The following CYB5R4 variants were observed in gnomAD, a reference collection of about 807,000 sequenced individuals.
CYB5R4 encodes the protein N-terminal cytochrome b5 and cytochrome b5 oxidoreductase domain-containing protein.
In CYB5R4, 55 loss-of-function variants were observed where a neutral mutation model predicts 70.2. That is an observed-to-expected ratio of 0.78 (90% CI 0.63 to 0.98). The LOEUF (loss-of-function observed/expected upper bound fraction) is 0.98. Ranked by LOEUF, CYB5R4 falls within the 50% of genes least tolerant of loss-of-function variation. The probability of loss-of-function intolerance (pLI) is 0.00; values close to 1 mark genes in which losing one functional copy is unlikely to be tolerated. For missense variants in CYB5R4, 562 were observed against 612.6 expected, an observed-to-expected ratio of 0.92 and a Z score of 0.87; for synonymous variants, 197 against 199.5, an observed-to-expected ratio of 0.99 and a Z score of 0.11.
intron 4 of CYB5R4, among the ~76,000 whole-genome samples, chr6:83,910,785 G>A (rs1026157657): frequency 7.9e-5 from 12 of 152,164 alleles, no homozygotes; most frequent in African/African-American, 2.9e-4. Flanking sequence ...CCAACTTGGG[G>A]AGAAAATATG....
At chr6:83,914,391 C>CT (rs763148662) in intron 4 of CYB5R4, 25 bp from the exon 5 acceptor site, 58 of 1,523,392 alleles carry the variant, frequency 3.8e-5, no homozygotes, top group Middle Eastern at 3.6e-4. Flanking sequence ...TCTTATTTGA[C>CT]TTTTTTTTCT....
At chr6:83,945,190 G>A (rs549034907) in intron 14 of CYB5R4, among the ~76,000 whole-genome samples, 89 of 152,280 alleles carry the variant, frequency 5.8e-4, no homozygotes, top group African/African-American at 1.9e-3. Context: ...ACACTCCTCA[G>A]CAAATGCAAA....
chr6:83,965,458 A>T lies in CYB5R4; in HGVS notation c.*5580A>T, dbSNP rs1190174418. ...GCCCTGTAACCCCTTTGTTTTGGCC[A>T]ATTTCTCCCATTTGGAATGGCTGTA... On this transcript the variant is annotated 3_prime_UTR_variant, in exon 16 of 16. Coordinates refer to ENST00000369681, the MANE Select transcript of CYB5R4 (RefSeq NM_016230.4). 1 of 152,076 alleles carries T rather than the reference A, an allele frequency of 6.6e-6. No individual in the cohort carries two copies. The highest frequency in any genetic ancestry group is 1.5e-5 in the Non-Finnish European group (1 of 68,010). The allele number at this position is 152,076 out of a possible 1,614,324, so 9.4% of individuals were successfully genotyped here. A position where few individuals can be genotyped will look rare whatever the true frequency, so the allele number is the denominator to read the frequency against.
intron 10 of CYB5R4, among the ~76,000 whole-genome samples, chr6:83,934,267 G>A (rs978739716): frequency 4.6e-5 from 7 of 150,756 alleles, no homozygotes; most frequent in Non-Finnish European, 8.9e-5. Flanking sequence ...ACTTTAGAAT[G>A]TAAGTTTCTT....
chr6:83,959,152 A>T (rs1269744575), intron 15 of CYB5R4, among the ~76,000 whole-genome samples: 6 of 152,298 alleles, frequency 3.9e-5, no homozygotes, highest in South Asian at 2.1e-4. Context: ...ATTAATGAAT[A>T]AAGAATGATA....
At chr6:83,940,931 G>C (rs896241733) in intron 14 of CYB5R4, among the ~76,000 whole-genome samples, 1 of 152,002 alleles carries the variant, frequency 6.6e-6, no homozygotes, top group Non-Finnish European at 1.5e-5. Context: ...TGTTATACTG[G>C]GGCTGATAAA....
At chr6:83,941,054 T>A (rs1356103104) in intron 14 of CYB5R4, among the ~76,000 whole-genome samples, 1 of 152,190 alleles carries the variant, frequency 6.6e-6, no homozygotes, top group African/African-American at 2.4e-5. Context: ...TTTTTATGCA[T>A]TGCTTAGCAA....
At chr6:83,899,880 G>C (rs1408935589) in intron 3 of CYB5R4, among the ~76,000 whole-genome samples, 3 of 151,704 alleles carry the variant, frequency 2.0e-5, no homozygotes, top group Admixed American at 1.3e-4. Context: ...GTCTTGCTAG[G>C]GGTCTATCAA....
At chr6:83,859,934 A>C (rs989478646) in intron 1 of CYB5R4, 77 bp downstream of exon 1, 5 of 1,353,354 alleles carry the variant, frequency 3.7e-6, no homozygotes, top group Non-Finnish European at 4.0e-6. Context: ...TTCCGCCCCA[A>C]CTCCCAGCTC....
rs1461542505 is a variant in CYB5R4, at chr6:83,859,912, T to C, written c.75+55T>C. ...CTCGCTGCGTTTCGAGCTCTGGCAGTGTGTTCTCTTCTTCCGCCCCAACTC... is the reference window on the plus strand; with the variant it reads ...CTCGCTGCGTTTCGAGCTCTGGCAGCGTGTTCTCTTCTTCCGCCCCAACTC... On this transcript the variant is annotated intron_variant, in intron 1 of 15. Transcript: ENST00000369681. The C allele has an allele frequency of 2.0e-6, 3 of 1,509,768 alleles. No homozygotes were observed. The Admixed American group carries it at 5.9e-5, about 30-fold the overall frequency. 93.5% of individuals were successfully genotyped at this position (1,509,768 alleles called of 1,614,324 possible).
At position 83,859,726 on chromosome 6, in the gene CYB5R4, A is replaced by T; in HGVS notation, c.-57A>T. ...TGCCCGGCCACAGAGCCGGAGCTGG[A>T]GGTGCTGTCCCGTCTGGCGGCGATC... On this transcript the variant is annotated 5_prime_UTR_variant, in exon 1 of 16. Transcript: ENST00000369681. 2 of 1,581,244 alleles carry T rather than the reference A, an allele frequency of 1.3e-6. No individual in the cohort carries two copies. The highest frequency in any genetic ancestry group is 1.7e-6 in the Non-Finnish European group (2 of 1,155,554).
chr6:83,940,495 G>A lies in CYB5R4; in HGVS notation c.1260-20G>A, dbSNP rs1588583472. 8.1e-7 allele frequency: 1 copy of A among 1,239,440 alleles called. No homozygotes were observed. The highest frequency in any genetic ancestry group is 1.5e-5 in the South Asian group (1 of 65,972). 76.8% of individuals were successfully genotyped at this position (1,239,440 alleles called of 1,614,324 possible). On this transcript the variant is annotated intron_variant, in intron 13 of 15. Transcript: ENST00000369681. ...AATGTAATTAATTAGTTATTTCTGA[G>A]TTTTTTTTTTTCTCTTAAGGAAAGT...
At chr6:83,898,931 C>G (rs1393676803) in intron 3 of CYB5R4, among the ~76,000 whole-genome samples, 2 of 152,200 alleles carry the variant, frequency 1.3e-5, no homozygotes, top group East Asian at 1.9e-4. Flanking sequence ...TTGACTTCCT[C>G]TTTTCCTAAT....
intron 2 of CYB5R4, among the ~76,000 whole-genome samples, chr6:83,874,156 TTCCCCTCCCCTCCCC>T (rs1373868348): frequency 1.6e-4 from 2 of 12,852 alleles, no homozygotes; most frequent in Non-Finnish European, 2.4e-4. Context: ...CTCCCCTCCC[TTCCCCTCCCCTCCCC>T]TCCCCTCCCC....
chr6:83,919,261 GTTTA>G (rs2099465987), intron 6 of CYB5R4, 132 bp from the exon 7 acceptor site: 1 of 511,310 alleles, frequency 2.0e-6, no homozygotes, highest in Admixed American at 4.2e-5. Flanking sequence ...GGTAAGACCA[GTTTA>G]TTTAGAAAAA....
chr6:83,960,922 G>A lies in CYB5R4; in HGVS notation c.*1044G>A, dbSNP rs1314648095. On this transcript the variant is annotated 3_prime_UTR_variant, in exon 16 of 16. Coordinates refer to ENST00000369681, the MANE Select transcript of CYB5R4 (RefSeq NM_016230.4). ...CAAGGATAGTCATTGTGAGCTTTTC[G>A]TGAGGAAACTGTTGAATGCATAGGT... 6 of 152,190 alleles carry A rather than the reference G, an allele frequency of 3.9e-5. No homozygotes were observed. Among genetic ancestry groups the A allele is most frequent in the African/African-American group, 7.2e-5 (3 of 41,448 alleles). The allele number at this position is 152,190 out of a possible 1,614,324, so 9.4% of individuals were successfully genotyped here.
chr6:83,959,519 G>A (rs2099472974), intron 15 of CYB5R4, among the ~76,000 whole-genome samples: 1 of 152,262 alleles, frequency 6.6e-6, no homozygotes, highest in East Asian at 1.9e-4. Flanking sequence ...ATCAAAGGAT[G>A]CCTAAAAGAC....
intron 3 of CYB5R4, among the ~76,000 whole-genome samples, chr6:83,907,912 T>C (rs894941159): frequency 6.6e-6 from 1 of 152,240 alleles, no homozygotes; most frequent in African/African-American, 2.4e-5. Context: ...ATGTCTTTGC[T>C]ATTGTGAATA....
At chr6:83,863,147 T>C (rs1187066223) in intron 1 of CYB5R4, among the ~76,000 whole-genome samples, 1 of 152,194 alleles carries the variant, frequency 6.6e-6, no homozygotes, top group Non-Finnish European at 1.5e-5. Context: ...AAATGTGTTT[T>C]ATAAAACAAA....
Sources: allele counts gnomAD v4.1 joint callset (sites outside exome capture counted in the v4.1 genomes callset), GRCh38; gene constraint gnomAD v4.1.1; transcripts MANE v1.5; gene names NCBI Gene and HGNC (gene_info 2026-07-23, HGNC 2026-07-21).